The following PRKAG2 variants were observed in gnomAD, a reference collection of about 807,000 sequenced individuals.
PRKAG2 encodes 5'-AMP-activated protein kinase subunit gamma-2.
Under a neutral mutation model 69.6 loss-of-function variants are expected in PRKAG2, and 26 were observed. The observed-to-expected ratio is 0.37, with a 90% CI of 0.27 to 0.52. The LOEUF (loss-of-function observed/expected upper bound fraction) is 0.52. Ranked by LOEUF, PRKAG2 falls within the 20% of genes least tolerant of loss-of-function variation. The probability of loss-of-function intolerance (pLI) is 0.90; values close to 1 mark genes in which losing one functional copy is unlikely to be tolerated. For missense variants in PRKAG2, 557 were observed against 740.0 expected (o/e 0.75, Z 2.87); for synonymous variants, 293 against 285.0 (o/e 1.03, Z -0.28).
Position 151,632,779 on chromosome 7 carries a change from C to G in PRKAG2, c.685-641G>C, listed in dbSNP as rs1285893207. The G allele has an allele frequency of 1.2e-5, 2 of 173,010 alleles. No homozygotes were observed. Among genetic ancestry groups the G allele is most frequent in the Non-Finnish European group, 2.3e-5 (2 of 87,222 alleles). 10.7% of individuals were successfully genotyped at this position (173,010 alleles called of 1,614,324 possible). ...AACAAAAATCGTTCCGTGGGCTACA[C>G]GTATTGTAGATGCACTTTGTCGCTA... On this transcript the variant is annotated intron_variant, in intron 4 of 15. Coordinates refer to ENST00000287878, the MANE Select transcript of PRKAG2 (RefSeq NM_016203.4). This position sits in a 1 kb window ranked among gnomAD's most constrained non-coding sequence, Gnocchi z 4.2.
rs143947524 is a variant in PRKAG2 at position 151,777,049 on chromosome 7, G to A, written c.466+4103C>T. ...TGGAGCTCCTGCAGTACAGGAGATG[G>A]GTTGGGGGACTCACTCTCTGACTCC... On this transcript the variant is annotated intron_variant, in intron 3 of 15. Transcript: ENST00000287878. The surrounding 1 kb of genome is among the most constrained non-coding windows in gnomAD (Gnocchi z 4.3). 1.3e-5 allele frequency among the ~76,000 whole-genome samples: 2 copies of A among 152,320 alleles called. No homozygotes were observed. Among genetic ancestry groups the A allele is most frequent in the East Asian group, 3.9e-4 (2 of 5,174 alleles).
At chr7:151,755,382 T>C (rs1381454275) in intron 3 of PRKAG2, among the ~76,000 whole-genome samples, 3 of 151,930 alleles carry the variant, frequency 2.0e-5, no homozygotes, top group African/African-American at 7.3e-5. Context: ...CTAGGGGACA[T>C]GAGCCTGAGC....
At chr7:151,690,311 C>A (rs184047633) in intron 3 of PRKAG2, among the ~76,000 whole-genome samples, 17 of 152,264 alleles carry the variant, frequency 1.1e-4, no homozygotes, top group Middle Eastern at 6.8e-3. Flanking sequence ...GCTCGCTTCG[C>A]GGGGAGGGAG....
chr7:151,810,348 C>G (rs891979866), intron 1 of PRKAG2: 1 of 152,264 alleles, frequency 6.6e-6, no homozygotes, highest in African/African-American at 2.4e-5. Context: ...GTTTCCGAGG[C>G]TTGGTGCTGT....
intron 1 of PRKAG2, among the ~76,000 whole-genome samples, chr7:151,855,435 CCGCCCTCCACACA>C (rs1401415992): frequency 4.1e-5 from 2 of 48,624 alleles, no homozygotes; most frequent in Admixed American, 2.5e-4. Context: ...TCCACACACA[CCGCCCTCCACACA>C]CACCATCCTC....
intron 3 of PRKAG2, among the ~76,000 whole-genome samples, chr7:151,760,724 C>T (rs546780434): frequency 5.9e-4 from 90 of 152,318 alleles, no homozygotes; most frequent in African/African-American, 1.9e-3. Flanking sequence ...CCCACTCTCT[C>T]GCTCTGCTTT....
intron 1 of PRKAG2, among the ~76,000 whole-genome samples, chr7:151,833,177 G>A (rs900036501): frequency 6.6e-5 from 10 of 152,214 alleles, no homozygotes; most frequent in Admixed American, 1.3e-4. Flanking sequence ...CAGAGAGCGC[G>A]TGAGTCTTTT....
intron 3 of PRKAG2, among the ~76,000 whole-genome samples, chr7:151,733,733 G>A (rs1208581404): frequency 6.7e-6 from 1 of 149,964 alleles, no homozygotes; most frequent in African/African-American, 2.5e-5. Flanking sequence ...GTCTTGCGCT[G>A]ACTCCCAGCC....
intron 14 of PRKAG2, among the ~76,000 whole-genome samples, chr7:151,563,286 T>C (rs962766742): frequency 2.1e-4 from 32 of 152,202 alleles, no homozygotes; most frequent in African/African-American, 7.0e-4. Flanking sequence ...TTAGGCGGAG[T>C]CTTTTATTTA....
chr7:151,569,851 C>T (rs1807129245), intron 10 of PRKAG2, among the ~76,000 whole-genome samples: 1 of 152,140 alleles, frequency 6.6e-6, no homozygotes, highest in Admixed American at 6.5e-5. Flanking sequence ...ATGTGTATTC[C>T]TGGGCCCTAT....
chr7:151,795,843 T>C (rs1469102367), intron 1 of PRKAG2, among the ~76,000 whole-genome samples: 31 of 81,422 alleles, frequency 3.8e-4, no homozygotes, highest in Non-Finnish European at 6.6e-4. Context: ...TTCAAACAAA[T>C]CTCATATATA....
intron 3 of PRKAG2, among the ~76,000 whole-genome samples, chr7:151,763,693 C>T (rs1222261288): frequency 6.6e-6 from 1 of 152,250 alleles, no homozygotes; most frequent in African/African-American, 2.4e-5. Flanking sequence ...CCTCTGTGAC[C>T]CATATGCCTC....
chr7:151,625,127 C>A (rs1044510827), intron 5 of PRKAG2, among the ~76,000 whole-genome samples: 1 of 152,162 alleles, frequency 6.6e-6, no homozygotes, highest in Non-Finnish European at 1.5e-5. Context: ...AGAAGTGCGT[C>A]CCCCTAACAG....
At chr7:151,854,929 T>C (rs2079667100) in intron 1 of PRKAG2, among the ~76,000 whole-genome samples, 1 of 148,346 alleles carries the variant, frequency 6.7e-6, no homozygotes, top group Non-Finnish European at 1.5e-5. Flanking sequence ...CACACCACTT[T>C]ACACACACAC....
At chr7:151,574,562 G>A (rs1216675564) in intron 8 of PRKAG2, among the ~76,000 whole-genome samples, 1 of 152,188 alleles carries the variant, frequency 6.6e-6, no homozygotes, top group Non-Finnish European at 1.5e-5. Context: ...CAGGCCCGCA[G>A]AGATAAGCAA....
chr7:151,799,294 G>T (rs992418704), intron 1 of PRKAG2, among the ~76,000 whole-genome samples: 1 of 152,152 alleles, frequency 6.6e-6, no homozygotes, highest in Non-Finnish European at 1.5e-5. Context: ...TTCTAACCAA[G>T]GTCCCTTTTG....
At chr7:151,591,490 G>T (rs1300602941) in intron 6 of PRKAG2, among the ~76,000 whole-genome samples, 1 of 152,198 alleles carries the variant, frequency 6.6e-6, no homozygotes, top group East Asian at 1.9e-4. Context: ...AGACCCCGCA[G>T]AACCGGGGGT....
intron 3 of PRKAG2, among the ~76,000 whole-genome samples, chr7:151,709,175 G>A (rs568281330): frequency 1.3e-5 from 2 of 152,326 alleles, no homozygotes; most frequent in South Asian, 4.1e-4. Context: ...GAGTGACACT[G>A]TGACACCGAT....
At chr7:151,664,171 T>C (rs577919358) in intron 4 of PRKAG2, among the ~76,000 whole-genome samples, 8 of 152,228 alleles carry the variant, frequency 5.3e-5, no homozygotes, top group African/African-American at 1.7e-4. Context: ...TCTCCAGAGG[T>C]GACGGACAAC....
Sources: gnomAD v4.1 joint callset for allele counts (sites outside exome capture counted in the v4.1 genomes callset) on GRCh38, gnomAD v4.1.1 for gene constraint, Gnocchi (gnomAD v3.1) non-coding constraint, MANE v1.5 for transcripts, NCBI Gene and HGNC (gene_info 2026-07-23, HGNC 2026-07-21) for gene names.